The following SPTBN4 variants were observed in gnomAD, a reference collection of about 807,000 sequenced individuals.
The protein encoded by SPTBN4 is spectrin beta, non-erythrocytic 4, also known as spectrin beta chain, non-erythrocytic 4.
In SPTBN4, 96 loss-of-function variants were observed where a neutral mutation model predicts 277.8. The ratio of observed to expected loss-of-function variants is 0.35; its 90% CI spans 0.29 to 0.41. The LOEUF (loss-of-function observed/expected upper bound fraction) is 0.41. SPTBN4 is among the 10% of genes least tolerant of loss of function. SPTBN4 has a pLI of 1.00. For synonymous variants in SPTBN4, 1,481 were observed against 1,580.3 expected, an observed-to-expected ratio of 0.94 and a Z score of 1.49; for missense variants, 3,006 against 3,595.7, an observed-to-expected ratio of 0.84 and a Z score of 4.19.
rs149999967 is a variant in SPTBN4 at position 40,533,492 on chromosome 19, C to T, written c.4096-588C>T. Among the ~76,000 whole-genome samples, 318 of 152,242 alleles carry T rather than the reference C, an allele frequency of 2.1e-3. 1 individual carries two copies. The highest frequency in any genetic ancestry group is 3.7e-3 in the Non-Finnish European group (254 of 68,018). Reference sequence around the variant, plus strand: ...CCCCTCCTCTGGCTGAACCCCTAGACCTGTAGCCCTGGATATACACACTTT... The same window carrying T: ...CCCCTCCTCTGGCTGAACCCCTAGATCTGTAGCCCTGGATATACACACTTT... On this transcript the variant is annotated intron_variant, in intron 19 of 35. Coordinates refer to ENST00000598249, the MANE Select transcript of SPTBN4 (RefSeq NM_020971.3).
rs759607695 is a variant in SPTBN4, at chr19:40,490,211, C to G, written c.458C>G (p.Thr153Arg). The change falls in exon 4 of 36, where the codon ACG becomes AGG. Residue 153 changes from threonine to arginine, a missense_variant. Thr to Arg is a moderately conservative substitution (Grantham distance 71, BLOSUM62 -1). This residue lies in a region of SPTBN4 where 114 missense variants were observed against 196.1 expected (regional missense o/e 0.58). Transcript: ENST00000598249. This position sits in a 1 kb window ranked among gnomAD's most constrained non-coding sequence, Gnocchi z 4.3. ...HDIVDGNHRL[T>R]LGLVWTIILR... Reference sequence around the variant, plus strand: ...ATCGTGGATGGGAATCACCGGCTGACGCTGGGGCTGGTCTGGACCATCATC... The same window carrying G: ...ATCGTGGATGGGAATCACCGGCTGAGGCTGGGGCTGGTCTGGACCATCATC... 1 of 1,614,162 alleles carries G rather than the reference C, an allele frequency of 6.2e-7. No homozygotes were observed. Among genetic ancestry groups the G allele is most frequent in the Non-Finnish European group, 8.5e-7 (1 of 1,180,012 alleles).
At chr19:40,573,393 C>T (rs2081171950) in intron 35 of SPTBN4, among the ~76,000 whole-genome samples, 1 of 152,220 alleles carries the variant, frequency 6.6e-6, no homozygotes, top group Admixed American at 6.5e-5. Context: ...AAAGGGTTAA[C>T]TGCTGGAGGG....
chr19:40,548,701 C>T (rs1258381716), intron 20 of SPTBN4, among the ~76,000 whole-genome samples: 6 of 149,892 alleles, frequency 4.0e-5, no homozygotes, highest in Admixed American at 2.7e-4. Flanking sequence ...GGCAACAGAG[C>T]GAGACTCCAT....
At position 40,506,425 on chromosome 19, in the gene SPTBN4, C is replaced by G. The variant is rs1363800023; in HGVS notation, c.1816+39C>G. 1.9e-6 allele frequency: 3 copies of G among 1,584,270 alleles called. No homozygotes were observed. The African/African-American group carries it at 4.0e-5, about 21-fold the overall frequency. Reference sequence around the variant, plus strand: ...CTGGGGCTGGGGCTATGGGTGGAGACTGTCAGGACTGGTGCTAATAGAGGC... The same window carrying G: ...CTGGGGCTGGGGCTATGGGTGGAGAGTGTCAGGACTGGTGCTAATAGAGGC... On this transcript the variant is annotated intron_variant, in intron 13 of 35. Transcript: ENST00000598249.
Position 40,513,025 on chromosome 19 carries a change from G to A in SPTBN4, c.2236G>A (p.Glu746Lys), listed in dbSNP as rs1314734855. 1 of 1,424,516 alleles carries A rather than the reference G, an allele frequency of 7.0e-7. No individual in the cohort carries two copies. Among genetic ancestry groups the A allele is most frequent in the Non-Finnish European group, 9.1e-7 (1 of 1,096,216 alleles). 88.2% of individuals were successfully genotyped at this position (1,424,516 alleles called of 1,614,324 possible). The change falls in exon 14 of 36, where the codon GAG becomes AAG. Residue 746 changes from glutamate to lysine, a missense_variant. Physicochemically the swap from Glu to Lys is moderately conservative, Grantham distance 56. Coordinates refer to ENST00000598249, the MANE Select transcript of SPTBN4 (RefSeq NM_020971.3). Reference sequence around the variant, plus strand: ...CACCGTGCACCTGGTAGGCCTGGCGGAGCGCGCGGCGAGCGCCCGGCGCCG... The same window carrying A: ...CACCGTGCACCTGGTAGGCCTGGCGAAGCGCGCGGCGAGCGCCCGGCGCCG... ...ADTVHLVGLA[E>K]RAASARRRWQ...
intron 19 of SPTBN4, 74 bp from the exon 20 acceptor site, chr19:40,534,006 C>T: frequency 6.7e-7 from 1 of 1,493,542 alleles, no homozygotes; most frequent in Non-Finnish European, 9.0e-7. Flanking sequence ...TCCTGTCACT[C>T]TCCCACACTT....
At chr19:40,475,003 T>C (rs2079931444) in intron 2 of SPTBN4, among the ~76,000 whole-genome samples, 1 of 152,040 alleles carries the variant, frequency 6.6e-6, no homozygotes, top group South Asian at 2.1e-4. Flanking sequence ...CGAAAGTGCT[T>C]TGATTACAGG....
At position 40,565,580 on chromosome 19, in the gene SPTBN4, G is replaced by T; in HGVS notation, c.6054+19G>T. 2 of 1,610,034 alleles carry T rather than the reference G, an allele frequency of 1.2e-6. No individual in the cohort carries two copies. Among genetic ancestry groups the T allele is most frequent in the Non-Finnish European group, 8.5e-7 (1 of 1,178,048 alleles). ...TGATGAGGTGGGGAGCAGGGAGGGG[G>T]TCCCCCTCTGCCACCCGGGCACATT... On this transcript the variant is annotated intron_variant, in intron 28 of 35. Transcript: ENST00000598249.
intron 20 of SPTBN4, among the ~76,000 whole-genome samples, chr19:40,546,463 G>T (rs560373488): frequency 2.4e-4 from 37 of 151,996 alleles, no homozygotes; most frequent in African/African-American, 7.7e-4. Context: ...ACCAAAAATT[G>T]TTCTAGGCTT....
chr19:40,492,806 A>G (rs542496400), intron 4 of SPTBN4, among the ~76,000 whole-genome samples, 157 bp from the exon 5 acceptor site: 96 of 152,230 alleles, frequency 6.3e-4, no homozygotes, highest in Middle Eastern at 3.4e-3. Flanking sequence ...GCCCTCAGGA[A>G]TTATCCTCAC....
chr19:40,484,819 C>T (rs896701104), intron 2 of SPTBN4, among the ~76,000 whole-genome samples: 1 of 151,738 alleles, frequency 6.6e-6, no homozygotes, highest in African/African-American at 2.4e-5. Flanking sequence ...GTAGTCCCAG[C>T]TACTGAGGAG....
chr19:40,515,865 C>CGT lies in SPTBN4; in HGVS notation c.2903+419_2903+420dup, dbSNP rs1394254172. ...TGGTGAAACCCCGTCTCTCTCTCTA[C>CGT]GTGCGCGCACACACACACACACACA... is the stretch of plus-strand genomic sequence containing the variant. On this transcript the variant is annotated intron_variant, in intron 15 of 35. Transcript: ENST00000598249. This position sits in a 1 kb window ranked among gnomAD's most constrained non-coding sequence, Gnocchi z 4.1. Among the ~76,000 whole-genome samples, 5 of 140,894 alleles carry CGT rather than the reference C, an allele frequency of 3.5e-5. No homozygotes were observed. Among genetic ancestry groups the CGT allele is most frequent in the African/African-American group, 1.4e-4 (5 of 36,042 alleles). The allele number at this position is 140,894 out of a possible 152,430, so 92.4% of individuals were successfully genotyped here. A position where few individuals can be genotyped will look rare whatever the true frequency, so the allele number is the denominator to read the frequency against.
chr19:40,573,984 C>T (rs1355163601), intron 35 of SPTBN4, among the ~76,000 whole-genome samples: 1 of 152,006 alleles, frequency 6.6e-6, no homozygotes, highest in East Asian at 1.9e-4. Context: ...CGCCTGTAGT[C>T]CCAGCTACTT....
intron 13 of SPTBN4, among the ~76,000 whole-genome samples, chr19:40,507,587 G>A (rs2080344655): frequency 6.6e-6 from 1 of 152,074 alleles, no homozygotes; most frequent in African/African-American, 2.4e-5. Context: ...GCTCATGCTT[G>A]TAATCCTAAC....
Position 40,513,355 on chromosome 19 carries a change from G to A in SPTBN4, c.2566G>A (p.Val856Met). Residue 856 changes from valine (V) to methionine (M), a missense_variant, in exon 14 of 36, where the codon GTG (valine) becomes ATG (methionine). This residue lies in a region of SPTBN4 where 1,759 missense variants were observed against 2,061.5 expected (regional missense o/e 0.85). Transcript: ENST00000598249. ...ACTGGTGGTGGCGCTGCAGGTGCGCGTGGTGGAAGCAGAGCAGTTGTTCGC... is the reference window on the plus strand; with the variant it reads ...ACTGGTGGTGGCGCTGCAGGTGCGCATGGTGGAAGCAGAGCAGTTGTTCGC... Reference protein sequence around the residue: ...GPLVVALQVRVVEAEQLFAEV... With the variant: ...GPLVVALQVRMVEAEQLFAEV... 3.8e-6 allele frequency: 6 copies of A among 1,596,700 alleles called. No individual in the cohort carries two copies. The highest frequency in any genetic ancestry group is 5.1e-6 in the Non-Finnish European group (6 of 1,173,644).
intron 20 of SPTBN4, among the ~76,000 whole-genome samples, chr19:40,541,067 C>T (rs1182436185): frequency 6.6e-6 from 1 of 151,968 alleles, no homozygotes; most frequent in East Asian, 1.9e-4. Flanking sequence ...AGTGGTATCT[C>T]ACTGCAGTGT....
chr19:40,502,405 G>A lies in SPTBN4; in HGVS notation c.1101G>A (p.Gly367=). ...GCCCCTTCAGGTTCCAGGAGAAGGG[G>A]AACCTAGAGGTGCTGCTCTTCAGCA... The part of the protein sequence containing the change: ...LEKPVKFQEK[G]NLEVLLFSIQ... The change falls in exon 10 of 36, where the codon GGG becomes GGA. Residue 367 remains glycine (G), a synonymous_variant. Transcript: ENST00000598249. This position sits in a 1 kb window ranked among gnomAD's most constrained non-coding sequence, Gnocchi z 4.9. 1 of 1,612,460 alleles carries A rather than the reference G, an allele frequency of 6.2e-7. No individual in the cohort carries two copies. Among genetic ancestry groups the A allele is most frequent in the Non-Finnish European group, 8.5e-7 (1 of 1,179,362 alleles).
At chr19:40,566,490 TG>T in intron 30 of SPTBN4, 131 bp downstream of exon 30, 2 of 811,714 alleles carry the variant, frequency 2.5e-6, no homozygotes, top group Non-Finnish European at 3.5e-6. Context: ...GACAGACTCT[TG>T]CTAGGCTCCC....
At chr19:40,564,828 C>A (rs555234094) in intron 27 of SPTBN4, among the ~76,000 whole-genome samples, 1 of 149,118 alleles carries the variant, frequency 6.7e-6, no homozygotes, top group Non-Finnish European at 1.5e-5. Flanking sequence ...CAGAGCAAGA[C>A]CCTATTAAAA....
Sources: allele counts gnomAD v4.1 joint callset (sites outside exome capture counted in the v4.1 genomes callset), GRCh38; gene constraint gnomAD v4.1.1; regional missense constraint gnomAD v4.1.1; non-coding constraint Gnocchi (gnomAD v3.1); transcripts MANE v1.5; gene names NCBI Gene and HGNC (gene_info 2026-07-23, HGNC 2026-07-21).